Variants in EXOC4 observed in about 807,000 individuals in gnomAD.
The protein encoded by EXOC4 is exocyst complex component 4, also known as SEC8-like 1.
EXOC4 carries 71 observed loss-of-function variants against 107.2 expected under a neutral mutation model. The ratio of observed to expected loss-of-function variants is 0.66; its 90% confidence interval spans 0.55 to 0.81. The LOEUF (loss-of-function observed/expected upper bound fraction) is 0.81. Ranked by LOEUF, EXOC4 falls within the 30% of genes least tolerant of loss-of-function variation. The probability of loss-of-function intolerance (pLI) is 0.00; values close to 1 mark genes in which losing one functional copy is unlikely to be tolerated. For missense variants in EXOC4, 1,108 were observed against 1,189.6 expected, an observed-to-expected ratio of 0.93 and a Z score of 1.01; for synonymous variants, 456 against 441.2, an observed-to-expected ratio of 1.03 and a Z score of -0.42.
intron 5 of EXOC4, among the ~76,000 whole-genome samples, chr7:133,335,013 C>T (rs1450673226): frequency 3.3e-5 from 5 of 152,080 alleles, no homozygotes; most frequent in Non-Finnish European, 7.4e-5. Context: ...GCTATTGTAA[C>T]CACTCTCTTT....
At chr7:133,555,629 TG>T (rs1408831954) in intron 9 of EXOC4, among the ~76,000 whole-genome samples, 1 of 152,212 alleles carries the variant, frequency 6.6e-6, no homozygotes, top group Non-Finnish European at 1.5e-5. Flanking sequence ...CACCTCATTC[TG>T]GGGTAATTCT....
At chr7:133,726,582 A>C (rs1453917068) in intron 10 of EXOC4, among the ~76,000 whole-genome samples, 1 of 152,184 alleles carries the variant, frequency 6.6e-6, no homozygotes, top group African/African-American at 2.4e-5. Flanking sequence ...TAGGCTCTGC[A>C]ATTTTGCATT....
intron 10 of EXOC4, among the ~76,000 whole-genome samples, chr7:133,735,521 A>G (rs544422790): frequency 2.0e-5 from 3 of 152,188 alleles, no homozygotes; most frequent in African/African-American, 7.2e-5. Flanking sequence ...GGGATCTTAG[A>G]TTCTCTATTT....
At chr7:133,751,546 A>G (rs1226442663) in intron 10 of EXOC4, among the ~76,000 whole-genome samples, 1 of 152,176 alleles carries the variant, frequency 6.6e-6, no homozygotes, top group Non-Finnish European at 1.5e-5. Context: ...TCATGGACTG[A>G]ATTGAAGCAG....
At chr7:133,278,886 G>A (rs1268604209) in intron 2 of EXOC4, among the ~76,000 whole-genome samples, 1 of 152,068 alleles carries the variant, frequency 6.6e-6, no homozygotes, top group African/African-American at 2.4e-5. Context: ...TGTTACATAT[G>A]TATACATGTG....
At chr7:133,555,406 C>T (rs1261581059) in intron 9 of EXOC4, among the ~76,000 whole-genome samples, 1 of 152,010 alleles carries the variant, frequency 6.6e-6, no homozygotes, top group East Asian at 1.9e-4. Flanking sequence ...AATTGAAAGT[C>T]ATTTAAGTTA....
At chr7:133,254,470 C>T (rs563540090) in intron 1 of EXOC4, among the ~76,000 whole-genome samples, 1 of 152,244 alleles carries the variant, frequency 6.6e-6, no homozygotes, top group African/African-American at 2.4e-5. Flanking sequence ...TGTTGTTTCC[C>T]ATCTGAATTT....
At chr7:133,704,753 G>A (rs149962729) in intron 10 of EXOC4, among the ~76,000 whole-genome samples, 100 of 152,304 alleles carry the variant, frequency 6.6e-4, no homozygotes, top group Middle Eastern at 6.8e-3. Context: ...TTCCTTGGGA[G>A]TGCTGAATAA....
chr7:134,030,380 C>T (rs192626146), intron 17 of EXOC4, among the ~76,000 whole-genome samples: 170 of 152,270 alleles, frequency 1.1e-3, no homozygotes, highest in Admixed American at 2.5e-3. Context: ...ATCCATGCAG[C>T]AGAATATTAT....
intron 6 of EXOC4, among the ~76,000 whole-genome samples, chr7:133,363,622 A>C (rs890013041): frequency 7.2e-5 from 11 of 151,952 alleles, no homozygotes; most frequent in Admixed American, 1.3e-4. Flanking sequence ...AAAAAAAAAA[A>C]AAAAAAACCT....
At chr7:133,653,601 T>A (rs1342763530) in intron 10 of EXOC4, among the ~76,000 whole-genome samples, 1 of 152,162 alleles carries the variant, frequency 6.6e-6, no homozygotes, top group African/African-American at 2.4e-5. Context: ...ATCCCCTCAT[T>A]CCTTGTAAAC....
intron 11 of EXOC4, among the ~76,000 whole-genome samples, chr7:133,863,538 C>T (rs563284078): frequency 6.6e-6 from 1 of 152,224 alleles, no homozygotes; most frequent in Admixed American, 6.5e-5. Context: ...TACCTTTGGA[C>T]AGGGATAGTG....
At chr7:133,672,445 A>G (rs1218761551) in intron 10 of EXOC4, among the ~76,000 whole-genome samples, 1 of 151,664 alleles carries the variant, frequency 6.6e-6, no homozygotes, top group African/African-American at 2.4e-5. Context: ...TGTTTATCTT[A>G]TTTAATCTTA....
At chr7:133,396,231 CTG>C (rs1015163257) in intron 7 of EXOC4, 10 of 152,178 alleles carry the variant, frequency 6.6e-5, no homozygotes, top group African/African-American at 2.2e-4. Context: ...TAGACACAGA[CTG>C]TAATAATGAA....
downstream of EXOC4, chr7:134,066,033 A>G (rs1205893867): frequency 6.6e-6 from 1 of 152,206 alleles, no homozygotes; most frequent in Non-Finnish European, 1.5e-5. Context: ...AATGTAGTCA[A>G]TCTGTCTGGC....
At chr7:134,040,027 T>C (rs958150709) in intron 17 of EXOC4, among the ~76,000 whole-genome samples, 1 of 152,222 alleles carries the variant, frequency 6.6e-6, no homozygotes, top group Non-Finnish European at 1.5e-5. Flanking sequence ...TCTCTATGGC[T>C]CACCCATCTG....
rs545631541 is a variant in EXOC4, at chr7:134,032,045, CAAAT to C, written c.2687+24211_2687+24214del. Among the ~76,000 whole-genome samples the C allele has an allele frequency of 2.2e-3, 341 of 152,224 alleles. 1 individual carries two copies. The highest frequency in any genetic ancestry group is 8.9e-3 in the South Asian group (43 of 4,810). ...CTGGAAATACTAGCCTTTCTAGAAA[CAAAT>C]TAATTTCTTGAAAGCTGAAATTAGC... On this transcript the variant is annotated intron_variant, in intron 17 of 17. Transcript: ENST00000253861.
chr7:133,601,053 G>C (rs1339938603), intron 9 of EXOC4, among the ~76,000 whole-genome samples: 1 of 152,210 alleles, frequency 6.6e-6, no homozygotes, highest in African/African-American at 2.4e-5. Flanking sequence ...AAATGCAACA[G>C]ATGTACACTG....
At chr7:133,407,987 A>T (rs955703717) in intron 7 of EXOC4, among the ~76,000 whole-genome samples, 2 of 152,208 alleles carry the variant, frequency 1.3e-5, no homozygotes, top group Non-Finnish European at 2.9e-5. Flanking sequence ...CCTGACTCCA[A>T]AACTTGTAAA....
Sources: gnomAD v4.1 joint callset for allele counts (sites outside exome capture counted in the v4.1 genomes callset) on GRCh38, gnomAD v4.1.1 for gene constraint, MANE v1.5 for transcripts, NCBI Gene and HGNC (gene_info 2026-07-23, HGNC 2026-07-21) for gene names.